The following TAF1 variants were observed in gnomAD, a reference collection of about 807,000 sequenced individuals.
The protein encoded by TAF1 is transcription initiation factor TFIID subunit 1.
A neutral mutation model predicts 138.5 loss-of-function variants in TAF1; 2 were observed. The observed-to-expected ratio is 0.01, with a 90% CI of 0.01 to 0.05. TAF1 has a LOEUF of 0.05. Ranked by LOEUF, TAF1 falls within the 10% of genes least tolerant of loss-of-function variation. TAF1 has a pLI of 1.00. For missense variants in TAF1, 709 were observed against 1,478.0 expected, an observed-to-expected ratio of 0.48 and a Z score of 8.53; for synonymous variants, 437 against 503.2, an observed-to-expected ratio of 0.87 and a Z score of 1.76.
In TAF1 at chrX:71,406,028, A is replaced by T. The variant is rs748529857; in HGVS notation, c.3999-610A>T. 6.3e-5 allele frequency among the ~76,000 whole-genome samples: 7 copies of T among 110,456 alleles called. No individual in the cohort carries two copies. In the South Asian group the frequency reaches 2.7e-3, roughly 42 times the overall value. ...TCCATTCTGAACCTAGCCTTTTAAC[A>T]TTTAAGATAGAATGTTGGGGCTGGG... On this transcript the variant is annotated intron_variant, in intron 25 of 37. Transcript: ENST00000423759.
intron 34 of TAF1, among the ~76,000 whole-genome samples, chrX:71,455,684 AT>A (rs1270603079): frequency 8.9e-6 from 1 of 112,415 alleles, no homozygotes; most frequent in African/African-American, 3.2e-5. Flanking sequence ...TCTTTTCAAG[AT>A]TGTTGTAAAC....
At chrX:71,375,375 G>A (rs776768591) in intron 4 of TAF1, 89 bp downstream of exon 4, 455 of 1,064,848 alleles carry the variant, frequency 4.3e-4, no homozygotes, top group South Asian at 5.2e-4. Flanking sequence ...ACAAACTTAA[G>A]CTTATATGAA....
intron 13 of TAF1, among the ~76,000 whole-genome samples, chrX:71,512,299 T>C (rs1413828287): frequency 9.1e-6 from 1 of 109,339 alleles, no homozygotes; most frequent in Non-Finnish European, 1.9e-5. Flanking sequence ...TGAGCGACAG[T>C]GCGAGACTCT....
chrX:71,461,316 G>A (rs988803700), intron 37 of TAF1, among the ~76,000 whole-genome samples: 1 of 111,505 alleles, frequency 9.0e-6, no homozygotes, highest in African/African-American at 3.3e-5. Context: ...TGTAGCAAGG[G>A]GGATTATATT....
At chrX:71,399,350 G>C (rs1197358850) in intron 24 of TAF1, among the ~76,000 whole-genome samples, 1 of 100,715 alleles carries the variant, frequency 9.9e-6, no homozygotes, top group African/African-American at 3.7e-5. Context: ...TCCGCCTCCT[G>C]GGTTCAAGCG....
intron 32 of TAF1, among the ~76,000 whole-genome samples, chrX:71,434,929 CTTAATG>C (rs1012611041): frequency 1.5e-4 from 17 of 112,571 alleles, no homozygotes; most frequent in African/African-American, 5.5e-4. Context: ...GGCCTTACTA[CTTAATG>C]TTTAGTTAAA....
At chrX:71,496,799 CTCTGTCTCTCTCTT>C (rs2039406229) in intron 13 of TAF1, among the ~76,000 whole-genome samples, 1 of 111,274 alleles carries the variant, frequency 9.0e-6, no homozygotes, top group Non-Finnish European at 1.9e-5. Context: ...CTCTTTCTTT[CTCTGTCTCTCTCTT>C]TCTGTCTCTC....
intron 13 of TAF1, among the ~76,000 whole-genome samples, chrX:71,489,972 G>T (rs991817638): frequency 1.1e-4 from 12 of 111,872 alleles, no homozygotes; most frequent in Admixed American, 1.9e-4. Context: ...GGCCATGAAG[G>T]CCTCTCCCTC....
chrX:71,366,663 C>T (rs1409824807), intron 1 of TAF1, among the ~76,000 whole-genome samples, 169 bp downstream of exon 1: 1 of 110,673 alleles, frequency 9.0e-6, no homozygotes, highest in Admixed American at 9.6e-5. Flanking sequence ...TGGGAGTGAT[C>T]GTTCTGGGGG....
chrX:71,384,251 TTACA>T lies in TAF1; in HGVS notation c.2121+121_2121+124del, dbSNP rs2034075296. On this transcript the variant is annotated intron_variant, in intron 13 of 37. Coordinates refer to ENST00000423759, the MANE Select transcript of TAF1 (RefSeq NM_004606.5). Reference sequence around the variant, plus strand: ...AGCTGTAGTGAGACAAACTGCAAACTTACATACAAATTTTTTATTATTAACGTAG... The same window carrying T: ...AGCTGTAGTGAGACAAACTGCAAACTTACAAATTTTTTATTATTAACGTAG... 3.6e-6 allele frequency: 3 copies of T among 836,961 alleles called. No homozygotes were observed. The East Asian group carries it at 1.0e-4, about 28-fold the overall frequency. 69.0% of individuals were successfully genotyped at this position (836,961 alleles called of 1,213,427 possible).
chrX:71,509,666 C>T (rs143510142), intron 13 of TAF1, among the ~76,000 whole-genome samples: 1,496 of 111,032 alleles, frequency 0.013, 30 homozygotes, highest in African/African-American at 0.046. Flanking sequence ...TAGTGAGACC[C>T]TGTCTCTAAA....
At chrX:71,383,200 G>C in intron 12 of TAF1, 36 bp downstream of exon 12, 2 of 1,168,317 alleles carry the variant, frequency 1.7e-6, no homozygotes, top group Non-Finnish European at 2.3e-6. Flanking sequence ...CAGCTATAAA[G>C]GATATTGGGG....
intron 13 of TAF1, among the ~76,000 whole-genome samples, chrX:71,501,936 C>T (rs2039517252): frequency 9.0e-6 from 1 of 111,468 alleles, no homozygotes; most frequent in Non-Finnish European, 1.9e-5. Flanking sequence ...GGAGTTGGTT[C>T]CTTCTGGTGG....
At chrX:71,389,840 T>A in intron 18 of TAF1, 175 bp downstream of exon 18, 1 of 364,256 alleles carries the variant, frequency 2.7e-6, no homozygotes, top group Non-Finnish European at 4.6e-6. Flanking sequence ...TATTATATTT[T>A]ATATGATATG....
chrX:71,476,255 G>A (rs1480174724), intron 13 of TAF1, among the ~76,000 whole-genome samples: 2 of 111,161 alleles, frequency 1.8e-5, no homozygotes, highest in Non-Finnish European at 3.8e-5. Context: ...AAAATGATTC[G>A]ACACTTTATA....
At chrX:71,458,645 C>T (rs1054583093) in intron 35 of TAF1, among the ~76,000 whole-genome samples, 7 of 111,897 alleles carry the variant, frequency 6.3e-5, no homozygotes, top group Admixed American at 1.9e-4. Flanking sequence ...AGTAGCCTGA[C>T]GGGTGACTAG....
rs561259656 is a variant in TAF1 at position 71,379,650 on chromosome X, C to T, written c.1360+619C>T. The stretch of plus-strand genomic sequence containing the variant: ...GTCTTGCTTGCTCTGTTGCCTGGGC[C>T]GGAGTGTAGTGGCGCAATCTCAGCT... On this transcript the variant is annotated intron_variant, in intron 8 of 37. Coordinates refer to ENST00000423759, the MANE Select transcript of TAF1 (RefSeq NM_004606.5). Among the ~76,000 whole-genome samples the T allele has an allele frequency of 4.0e-5, 4 of 99,517 alleles. No homozygotes were observed. The South Asian group carries it at 1.5e-3, about 37-fold the overall frequency. 86.4% of individuals were successfully genotyped at this position (99,517 alleles called of 115,157 possible). A position where few individuals can be genotyped will look rare whatever the true frequency, so the allele number is the denominator to read the frequency against.
intron 22 of TAF1, among the ~76,000 whole-genome samples, chrX:71,395,313 A>C (rs2034789077): frequency 1.8e-5 from 2 of 111,622 alleles, no homozygotes; most frequent in Admixed American, 1.9e-4. Context: ...GTTTGAGACC[A>C]GCCTGGGCAA....
intron 22 of TAF1, among the ~76,000 whole-genome samples, chrX:71,394,691 G>A (rs1326452508): frequency 8.9e-6 from 1 of 112,204 alleles, no homozygotes; most frequent in East Asian, 2.8e-4. Context: ...GAGTGCACTG[G>A]TGTGATCTTA....
Sources: gnomAD v4.1 joint callset for allele counts (sites outside exome capture counted in the v4.1 genomes callset) on GRCh38, gnomAD v4.1.1 for gene constraint, MANE v1.5 for transcripts, NCBI Gene and HGNC (gene_info 2026-07-23, HGNC 2026-07-21) for gene names.